The following MGST3 variants were observed in gnomAD, a reference collection of about 807,000 sequenced individuals.
MGST3 encodes the protein microsomal glutathione S-transferase 3.
MGST3 carries 13 observed loss-of-function variants against 15.8 expected under a neutral mutation model. The observed-to-expected ratio is 0.82, with a 90% CI of 0.54 to 1.31. MGST3 has a LOEUF of 1.31. Ranked by LOEUF, MGST3 falls within the 50% of genes most tolerant of loss-of-function variation. The pLI is 0.00. For synonymous variants in MGST3, 49 were observed against 68.1 expected (o/e 0.72, Z 1.38); for missense variants, 155 against 192.4 (o/e 0.81, Z 1.15).
intron 4 of MGST3, chr1:165,654,000 T>A: frequency 2.3e-6 from 1 of 436,992 alleles, no homozygotes; most frequent in Non-Finnish European, 4.2e-6. Context: ...TTCCCCAAGA[T>A]GCCCAGGGCA....
At chr1:165,654,379 A>C in intron 5 of MGST3, 28 bp downstream of exon 5, 1 of 1,603,620 alleles carries the variant, frequency 6.2e-7, no homozygotes, top group Admixed American at 1.7e-5. Flanking sequence ...TTTGCCAAGG[A>C]AACAACTTTA....
chr1:165,644,883 C>T (rs1297432580), intron 1 of MGST3, among the ~76,000 whole-genome samples: 5 of 152,088 alleles, frequency 3.3e-5, no homozygotes, highest in African/African-American at 9.7e-5. Context: ...CTCAGCCTCC[C>T]GAGCAGCTGG....
intron 5 of MGST3, 105 bp downstream of exon 5, chr1:165,654,456 G>C (rs4147607): frequency 0.22 from 224,390 of 1,020,060 alleles, 39,220 homozygotes; most frequent in East Asian, 0.83. Context: ...TTTGGGAGGC[G>C]AAGGCAGGCA....
intron 1 of MGST3, among the ~76,000 whole-genome samples, chr1:165,643,204 T>C (rs1648306374): frequency 6.6e-6 from 1 of 152,208 alleles, no homozygotes; most frequent in African/African-American, 2.4e-5. Flanking sequence ...CTCTTTAATA[T>C]TTGTACACAC....
chr1:165,635,671 G>T (rs938479210), intron 1 of MGST3: 7 of 152,178 alleles, frequency 4.6e-5, no homozygotes, highest in African/African-American at 1.7e-4. Context: ...CCAAACTATG[G>T]CTATTTAACT....
chr1:165,653,650 C>G (rs369327623), intron 4 of MGST3: 3 of 155,328 alleles, frequency 1.9e-5, no homozygotes, highest in African/African-American at 7.2e-5. Flanking sequence ...AGCATGACAG[C>G]CAAAGGGATG....
chr1:165,632,124 A>G (rs1244178225), intron 1 of MGST3: 7 of 914,526 alleles, frequency 7.7e-6, no homozygotes, highest in African/African-American at 6.5e-5. Flanking sequence ...TACAAGCTAC[A>G]TAATAGCGTC....
At chr1:165,633,860 T>C (rs1168277472) in intron 1 of MGST3, among the ~76,000 whole-genome samples, 1 of 152,184 alleles carries the variant, frequency 6.6e-6, no homozygotes, top group Non-Finnish European at 1.5e-5. Flanking sequence ...TGACATGATA[T>C]ATAAATGAAG....
At chr1:165,632,064 T>C (rs1647967976) in intron 1 of MGST3, 5 of 594,802 alleles carry the variant, frequency 8.4e-6, no homozygotes, top group Non-Finnish European at 9.1e-6. Context: ...TAGTGAGTCA[T>C]TCCCCGAAGT....
chr1:165,654,255 A>G, intron 4 of MGST3, 24 bp from the exon 5 acceptor site: 1 of 1,611,830 alleles, frequency 6.2e-7, no homozygotes, highest in Non-Finnish European at 8.5e-7. Flanking sequence ...TCATGCAAAT[A>G]CTAATGTAGC....
At chr1:165,636,073 A>G (rs10800120) in intron 1 of MGST3, among the ~76,000 whole-genome samples, 102,447 of 152,116 alleles carry the variant, frequency 0.67, 35,279 homozygotes, top group East Asian at 0.82. Context: ...AGATTTTAGC[A>G]TCTGTTTAAT....
At chr1:165,632,301 T>TC (rs199532561) in intron 1 of MGST3, 21,529 of 1,611,370 alleles carry the variant, frequency 0.013, 168 homozygotes, top group Non-Finnish European at 0.015. Flanking sequence ...CTAGGTGTGG[T>TC]CCTGCGGAAT....
chr1:165,638,858 A>G (rs1368780937), intron 1 of MGST3, among the ~76,000 whole-genome samples: 1 of 152,072 alleles, frequency 6.6e-6, no homozygotes, highest in African/African-American at 2.4e-5. Context: ...TAAAAGGGGC[A>G]TCTGTGGAAA....
At chr1:165,650,756 C>T (rs577210572) in intron 2 of MGST3, 15 of 488,996 alleles carry the variant, frequency 3.1e-5, no homozygotes, top group South Asian at 1.9e-4. Flanking sequence ...CGGAGTTTGG[C>T]GCAAAGCTGC....
chr1:165,655,224 T>C, intron 5 of MGST3, 144 bp from the exon 6 acceptor site: 1 of 995,140 alleles, frequency 1.0e-6, no homozygotes, highest in Non-Finnish European at 1.5e-6. Context: ...TGCCAACAGC[T>C]TCAGGCTAAA....
chr1:165,639,619 A>G (rs1648209405), intron 1 of MGST3, among the ~76,000 whole-genome samples: 1 of 152,130 alleles, frequency 6.6e-6, no homozygotes, highest in African/African-American at 2.4e-5. Flanking sequence ...CCTGGCCAAC[A>G]TGGCGAAACC....
chr1:165,645,599 A>G (rs1648376972), intron 1 of MGST3: 1 of 152,222 alleles, frequency 6.6e-6, no homozygotes, highest in Non-Finnish European at 1.5e-5. Flanking sequence ...ATAATTATAC[A>G]TGCTATACTT....
chr1:165,645,149 C>T (rs1216845265), intron 1 of MGST3, among the ~76,000 whole-genome samples: 1 of 152,130 alleles, frequency 6.6e-6, no homozygotes, highest in Non-Finnish European at 1.5e-5. Context: ...CAACACCATT[C>T]AGTTCAGAAC....
chr1:165,643,741 G>A (rs951935686), intron 1 of MGST3, among the ~76,000 whole-genome samples: 5 of 151,602 alleles, frequency 3.3e-5, no homozygotes, highest in East Asian at 1.9e-4. Flanking sequence ...TGTGGCGGGC[G>A]CCTGTGATCC....
Sources: gnomAD v4.1 joint callset for allele counts (sites outside exome capture counted in the v4.1 genomes callset) on GRCh38, gnomAD v4.1.1 for gene constraint, MANE v1.5 for transcripts, NCBI Gene and HGNC (gene_info 2026-07-23, HGNC 2026-07-21) for gene names.